Variants in CTSD observed in about 807,000 individuals in gnomAD.
CTSD encodes the protein cathepsin D.
CTSD carries 28 observed loss-of-function variants against 43.6 expected under a neutral mutation model. The observed-to-expected ratio is 0.64, with a 90% CI of 0.48 to 0.88. The LOEUF (loss-of-function observed/expected upper bound fraction) is 0.88. Ranked by LOEUF, CTSD falls within the 40% of genes least tolerant of loss-of-function variation. The pLI, the probability that CTSD is intolerant of heterozygous loss-of-function variation, is 0.00. For missense variants in CTSD, 485 were observed against 555.2 expected, an observed-to-expected ratio of 0.87 and a Z score of 1.27; for synonymous variants, 270 against 249.8, an observed-to-expected ratio of 1.08 and a Z score of -0.76.
At chr11:1,757,585 G>A (rs1845825475) in intron 4 of CTSD, 29 bp from the exon 5 acceptor site, 6 of 1,566,730 alleles carry the variant, frequency 3.8e-6, no homozygotes, top group Non-Finnish European at 5.2e-6. Flanking sequence ...TCAGTGGGCA[G>A]CAGACAGGCT....
At position 1,754,113 on chromosome 11, in the gene CTSD, G is replaced by A. The variant is rs1845764648; in HGVS notation, c.853C>T (p.Leu285=). 1 of 1,610,568 alleles carries A rather than the reference G, an allele frequency of 6.2e-7. No homozygotes were observed. Among genetic ancestry groups the A allele is most frequent in the Non-Finnish European group, 8.5e-7 (1 of 1,179,776 alleles). Residue 285 remains leucine, a synonymous_variant, in exon 7 of 9, where the codon CTG becomes TTG. Coordinates refer to ENST00000236671, the MANE Select transcript of CTSD (RefSeq NM_001909.5). ...ATGGCCTCACAGCCCTCCTTGCACA[G>A]GGTCAGCCCGCTGGCCACCTCCACC... The part of the protein sequence containing the change: ...DQVEVASGLT[L]CKEGCEAIVD...
intron 5 of CTSD, chr11:1,755,328 A>G (rs1427505656): frequency 2.2e-6 from 1 of 455,256 alleles, no homozygotes; most frequent in African/African-American, 2.0e-5. Flanking sequence ...GGCTAGCGGC[A>G]GACAAGGAAG....
chr11:1,757,637 G>T (rs1244281848), intron 4 of CTSD, 81 bp from the exon 5 acceptor site: 1 of 1,159,338 alleles, frequency 8.6e-7, no homozygotes, highest in African/African-American at 1.5e-5. Context: ...ACAAAACCCA[G>T]TTCAATGGAT....
intron 4 of CTSD, among the ~76,000 whole-genome samples, 186 bp downstream of exon 4, chr11:1,758,783 C>T (rs1488645154): frequency 1.3e-5 from 2 of 152,126 alleles, no homozygotes; most frequent in Non-Finnish European, 2.9e-5. Context: ...TTGAGGCTGT[C>T]CCTCCAGCCT....
In CTSD at chr11:1,761,387, G is replaced by A. The variant is rs151292135; in HGVS notation, c.150C>T (p.Gly50=). The A allele has an allele frequency of 3.7e-6, 6 of 1,613,676 alleles. No homozygotes were observed. Among genetic ancestry groups the A allele is most frequent in the Non-Finnish European group, 5.1e-6 (6 of 1,180,002 alleles). ...CCGCCTGGGAGTACTTTGAGACGGG[G>A]CCTTTGGCAATCAGGTCCTCCACAG... The part of the protein sequence containing the change: ...GGSVEDLIAK[G]PVSKYSQAVP... Residue 50 remains glycine, a synonymous_variant, in exon 2 of 9, where the codon GGC becomes GGT. Coordinates refer to ENST00000236671, the MANE Select transcript of CTSD (RefSeq NM_001909.5).
Position 1,757,530 on chromosome 11 carries a change from G to A in CTSD, c.498C>T (p.Ala166=). ...VSVPCQSASS[A]SALGGVKVER... ...CCACTTTGACACCGCCCAGGGCAGAGGCTGACGACGCTGACTGGCAGGGCA... is the reference window on the plus strand; with the variant it reads ...CCACTTTGACACCGCCCAGGGCAGAAGCTGACGACGCTGACTGGCAGGGCA... The change falls in exon 5 of 9, where the codon GCC becomes GCT. Residue 166 remains alanine (A), a synonymous_variant. Coordinates refer to ENST00000236671, the MANE Select transcript of CTSD (RefSeq NM_001909.5). 8 of 1,612,762 alleles carry A rather than the reference G, an allele frequency of 5.0e-6. No individual in the cohort carries two copies. The highest frequency in any genetic ancestry group is 6.8e-6 in the Non-Finnish European group (8 of 1,179,926).
At chr11:1,762,105 T>C (rs567637443) in intron 1 of CTSD, 5 of 167,188 alleles carry the variant, frequency 3.0e-5, no homozygotes, top group Admixed American at 2.8e-4. Context: ...AGTGCCCTCA[T>C]CCCACATCTG....
At chr11:1,755,085 A>G in intron 5 of CTSD, 57 bp from the exon 6 acceptor site, 1 of 1,608,974 alleles carries the variant, frequency 6.2e-7, no homozygotes, top group Non-Finnish European at 8.5e-7. Flanking sequence ...CAAGAGTGCC[A>G]GGTCAGGAGT....
rs1278569212 is a variant in CTSD at position 1,753,847 on chromosome 11, C to T, written c.1027G>A (p.Gly343Arg). The T allele has an allele frequency of 5.6e-6, 9 of 1,613,556 alleles. No individual in the cohort carries two copies. The highest frequency in any genetic ancestry group is 1.3e-5 in the African/African-American group (1 of 74,890). Residue 343 changes from glycine to arginine, a missense_variant, in exon 8 of 9, where the codon GGA becomes AGA. Coordinates refer to ENST00000236671, the MANE Select transcript of CTSD (RefSeq NM_001909.5). The part of the protein sequence containing the change: ...STLPAITLKL[G>R]GKGYKLSPED... ...GGGGACAGCTTGTAGCCTTTGCCTC[C>T]CAGCTTCAGTGTGATCGCGGGCAGG... is the stretch of plus-strand genomic sequence containing the variant.
intron 5 of CTSD, chr11:1,755,469 T>C (rs914543439): frequency 6.3e-6 from 2 of 316,714 alleles, no homozygotes; most frequent in South Asian, 2.7e-5. Context: ...GCAGGGCCTC[T>C]GCACTGGCTG....
intron 5 of CTSD, 40 bp from the exon 6 acceptor site, chr11:1,755,068 C>G (rs1434755746): frequency 1.9e-6 from 3 of 1,612,774 alleles, no homozygotes; most frequent in Non-Finnish European, 1.7e-6. Flanking sequence ...ACGCCACCCC[C>G]CAAGCACAAG....
In CTSD at chr11:1,757,289, A is replaced by G. The variant is rs752549485; in HGVS notation, c.704+35T>C. 2.7e-5 allele frequency: 43 copies of G among 1,568,702 alleles called. No homozygotes were observed. The Admixed American group carries it at 6.8e-4, about 25-fold the overall frequency. On this transcript the variant is annotated intron_variant, in intron 5 of 8. Coordinates refer to ENST00000236671, the MANE Select transcript of CTSD (RefSeq NM_001909.5). Reference sequence around the variant, plus strand: ...CCCGTCCAGCCCCGCCCTGCCTCCCAGCAACGCGGAGCGAGAGGGAACCCA... The same window carrying G: ...CCCGTCCAGCCCCGCCCTGCCTCCCGGCAACGCGGAGCGAGAGGGAACCCA...
chr11:1,754,381 G>GGAGGAGATGGAGGGT, intron 6 of CTSD: 1 of 557,364 alleles, frequency 1.8e-6, no homozygotes, highest in Non-Finnish European at 3.2e-6. Flanking sequence ...GGATGGAGGG[G>GGAGGAGATGGAGGGT]CATAGAGGGA....
At chr11:1,759,219 G>T in intron 3 of CTSD, 132 bp from the exon 4 acceptor site, 1 of 896,884 alleles carries the variant, frequency 1.1e-6, no homozygotes. Context: ...GATTTGGAGG[G>T]GATCTGAGGC....
intron 2 of CTSD, 89 bp from the exon 3 acceptor site, chr11:1,759,728 G>GCCCTGAA: frequency 7.2e-7 from 1 of 1,390,262 alleles, no homozygotes; most frequent in Non-Finnish European, 9.7e-7. Flanking sequence ...CCAGAGCCAA[G>GCCCTGAA]GCCCATACTG....
At chr11:1,754,508 A>AGGGATGGAGGGATGGAG (rs1180798645) in intron 6 of CTSD, among the ~76,000 whole-genome samples, 6 of 24,462 alleles carry the variant, frequency 2.5e-4, no homozygotes, top group Admixed American at 5.8e-4. Context: ...GTGGGGATGG[A>AGGGATGGAGGGATGGAG]GGGATGGAGG....
chr11:1,763,518 G>A, intron 1 of CTSD: 1 of 439,116 alleles, frequency 2.3e-6, no homozygotes, highest in East Asian at 4.0e-5. Context: ...GGAGGCTGCG[G>A]TCAGTCTGCA....
At chr11:1,755,320 C>T (rs1845796626) in intron 5 of CTSD, 1 of 470,926 alleles carries the variant, frequency 2.1e-6, no homozygotes, top group South Asian at 2.1e-5. Context: ...AGGGTCAAGG[C>T]TAGCGGCAGA....
At chr11:1,755,733 G>A (rs1211686462) in intron 5 of CTSD, among the ~76,000 whole-genome samples, 1 of 152,162 alleles carries the variant, frequency 6.6e-6, no homozygotes, top group African/African-American at 2.4e-5. Flanking sequence ...AGCGTCTGCA[G>A]CTAAGCTGGC....
Sources: allele counts gnomAD v4.1 joint callset (sites outside exome capture counted in the v4.1 genomes callset), GRCh38; gene constraint gnomAD v4.1.1; transcripts MANE v1.5; gene names NCBI Gene and HGNC (gene_info 2026-07-23, HGNC 2026-07-21).